The following UNC13C variants were observed in gnomAD, a reference collection of about 807,000 sequenced individuals.
The protein encoded by UNC13C is protein unc-13 homolog C.
Under a neutral mutation model 245.4 loss-of-function variants are expected in UNC13C, and 174 were observed. The ratio of observed to expected loss-of-function variants is 0.71; its 90% CI spans 0.63 to 0.80. UNC13C has a LOEUF of 0.80. Among genes scored for constraint, UNC13C ranks in the 30% least tolerant of loss-of-function variants. UNC13C has a pLI of 0.00. For missense variants in UNC13C, 2,829 were observed against 2,602.9 expected, an observed-to-expected ratio of 1.09 and a Z score of -1.89; for synonymous variants, 992 against 895.1, an observed-to-expected ratio of 1.11 and a Z score of -1.93.
chr15:53,959,022 C>T, the UNC13C span, among the ~76,000 whole-genome samples: 1 of 152,144 alleles, frequency 6.6e-6, no homozygotes, highest in African/African-American at 2.4e-5. Flanking sequence ...TTTTTAGCTC[C>T]CACATATAGG....
At chr15:54,162,165 TG>T (rs1382237790) in intron 4 of UNC13C, among the ~76,000 whole-genome samples, 2 of 152,170 alleles carry the variant, frequency 1.3e-5, no homozygotes, top group African/African-American at 4.8e-5. Flanking sequence ...GTTTAGGATT[TG>T]TTTTGCTTTT....
At chr15:54,399,109 C>T (rs923245567) in intron 18 of UNC13C, among the ~76,000 whole-genome samples, 2 of 151,506 alleles carry the variant, frequency 1.3e-5, no homozygotes, top group African/African-American at 4.8e-5. Context: ...TGACTAAATG[C>T]ACTGAGTGGA....
chr15:54,142,765 TAATA>T (rs1162722435), intron 2 of UNC13C, among the ~76,000 whole-genome samples: 3 of 152,212 alleles, frequency 2.0e-5, no homozygotes, highest in Non-Finnish European at 4.4e-5. Context: ...GTTCTTTTCT[TAATA>T]TAACACATTG....
At chr15:54,492,427 T>C (rs1893756905) in intron 19 of UNC13C, among the ~76,000 whole-genome samples, 1 of 152,186 alleles carries the variant, frequency 6.6e-6, no homozygotes, top group Admixed American at 6.5e-5. Context: ...ATAAAAACTA[T>C]TGACCATTTT....
chr15:54,077,535 C>A (rs533100227), intron 2 of UNC13C, among the ~76,000 whole-genome samples: 1 of 151,526 alleles, frequency 6.6e-6, no homozygotes, highest in African/African-American at 2.4e-5. Context: ...TGCACCACCA[C>A]GCTCAGCTAA....
chr15:54,184,798 G>C (rs1177148268), intron 4 of UNC13C, among the ~76,000 whole-genome samples: 1 of 152,142 alleles, frequency 6.6e-6, no homozygotes, highest in Non-Finnish European at 1.5e-5. Flanking sequence ...TGGGATGGCT[G>C]GGTCAAATGG....
intron 17 of UNC13C, among the ~76,000 whole-genome samples, chr15:54,340,130 T>C (rs1408896696): frequency 1.3e-5 from 2 of 152,152 alleles, no homozygotes; most frequent in Non-Finnish European, 2.9e-5. Context: ...CACTTTCTGA[T>C]AAGATTTTTT....
At chr15:53,929,750 G>C in the UNC13C span, among the ~76,000 whole-genome samples, 1 of 152,202 alleles carries the variant, frequency 6.6e-6, no homozygotes, top group South Asian at 2.1e-4. Context: ...CATGTTATCT[G>C]GCACTGCACC....
chr15:53,970,842 TA>T, the UNC13C span, among the ~76,000 whole-genome samples: 1 of 152,176 alleles, frequency 6.6e-6, no homozygotes, highest in African/African-American at 2.4e-5. Flanking sequence ...AAAAGTTGAT[TA>T]AAAAATAATA....
chr15:54,268,946 T>C (rs1436586733), intron 10 of UNC13C, among the ~76,000 whole-genome samples: 1 of 152,102 alleles, frequency 6.6e-6, no homozygotes, highest in Non-Finnish European at 1.5e-5. Context: ...TTTGATATTA[T>C]GCCCTGTGAC....
chr15:54,441,673 T>C (rs1890531528), intron 19 of UNC13C, among the ~76,000 whole-genome samples: 1 of 151,044 alleles, frequency 6.6e-6, no homozygotes, highest in Admixed American at 6.6e-5. Context: ...GGCTATTTGG[T>C]GTCTTTTGTG....
intron 19 of UNC13C, among the ~76,000 whole-genome samples, chr15:54,431,475 G>T (rs1205789463): frequency 3.3e-5 from 5 of 151,586 alleles, no homozygotes; most frequent in African/African-American, 1.2e-4. Context: ...GTATATTAGA[G>T]TGTACAACTA....
At chr15:54,142,742 A>T (rs1468780915) in intron 2 of UNC13C, among the ~76,000 whole-genome samples, 1 of 152,096 alleles carries the variant, frequency 6.6e-6, no homozygotes, top group Non-Finnish European at 1.5e-5. Context: ...AGGACTTCTG[A>T]TTCTTCAACT....
chr15:54,357,124 C>G (rs958966653), intron 17 of UNC13C, among the ~76,000 whole-genome samples: 11 of 152,090 alleles, frequency 7.2e-5, no homozygotes, highest in African/African-American at 2.4e-4. Context: ...ACAGTCCCCA[C>G]TTTGAGATTA....
intron 4 of UNC13C, among the ~76,000 whole-genome samples, 153 bp downstream of exon 4, chr15:54,143,837 T>TA (rs1250847338): frequency 6.6e-6 from 1 of 152,170 alleles, no homozygotes; most frequent in African/African-American, 2.4e-5. Flanking sequence ...AGTGTTTTCT[T>TA]AAAAAAATGT....
At chr15:54,054,108 G>C (rs1897393842) in intron 2 of UNC13C, among the ~76,000 whole-genome samples, 1 of 152,280 alleles carries the variant, frequency 6.6e-6, no homozygotes, top group African/African-American at 2.4e-5. Context: ...TATCTCTTAA[G>C]TATACTGGTT....
intron 13 of UNC13C, among the ~76,000 whole-genome samples, chr15:54,316,467 C>A (rs1248275842): frequency 6.6e-6 from 1 of 151,936 alleles, no homozygotes; most frequent in Non-Finnish European, 1.5e-5. Context: ...CAAGACATCT[C>A]CCCTGACCCT....
intron 2 of UNC13C, among the ~76,000 whole-genome samples, chr15:54,140,419 T>C (rs1351106718): frequency 6.6e-6 from 1 of 152,112 alleles, no homozygotes; most frequent in African/African-American, 2.4e-5. Flanking sequence ...AGAGAGAGAT[T>C]AAAAAACAGA....
At chr15:54,629,124 T>C (rs948467042), downstream of UNC13C, 1 of 152,138 alleles carries the variant, frequency 6.6e-6, no homozygotes. Flanking sequence ...AATGAGACCA[T>C]GTCCTTCACA....
Sources: gnomAD v4.1 joint callset for allele counts (sites outside exome capture counted in the v4.1 genomes callset) on GRCh38, gnomAD v4.1.1 for gene constraint, MANE v1.5 for transcripts, NCBI Gene and HGNC (gene_info 2026-07-23, HGNC 2026-07-21) for gene names.